Variants in STAB2 observed in about 807,000 individuals in gnomAD.
The protein encoded by STAB2 is stabilin 2.
In STAB2, 288 loss-of-function variants were observed where a neutral mutation model predicts 338.1. That is an observed-to-expected ratio of 0.85 (90% CI 0.77 to 0.94). The LOEUF (loss-of-function observed/expected upper bound fraction) is 0.94, where lower values mean the gene tolerates loss of function less well. Among genes scored for constraint, STAB2 ranks in the 40% least tolerant of loss-of-function variants. The pLI, the probability that STAB2 is intolerant of heterozygous loss-of-function variation, is 0.00. For synonymous variants in STAB2, 1,202 were observed against 1,193.3 expected (o/e 1.01, Z -0.15); for missense variants, 3,141 against 3,210.1 (o/e 0.98, Z 0.52).
intron 18 of STAB2, among the ~76,000 whole-genome samples, chr12:103,663,826 A>C (rs1019417966): frequency 6.6e-6 from 1 of 152,204 alleles, no homozygotes; most frequent in African/African-American, 2.4e-5. Context: ...CCACTATACC[A>C]GAGCTCTGGG....
chr12:103,593,785 A>C (rs944240460), intron 2 of STAB2, among the ~76,000 whole-genome samples: 13 of 152,252 alleles, frequency 8.5e-5, no homozygotes, highest in Non-Finnish European at 1.5e-5. Context: ...CCATGCCTGC[A>C]GAGATCCCTT....
rs757179916 is a variant in STAB2 at position 103,706,827 on chromosome 12, A to G, written c.4032A>G (p.Gln1344=). 99 of 1,614,104 alleles carry G rather than the reference A, an allele frequency of 6.1e-5. No homozygotes were observed. The highest frequency in any genetic ancestry group is 8.1e-5 in the Non-Finnish European group (96 of 1,180,040). ...RECCAGFFGP[Q]CQPCPGNAQN... ...GCTGTGCCGGCTTCTTTGGCCCCCA[A>G]TGCCAGCCCTGCCCAGGGAATGCCC... Residue 1344 remains glutamine, a synonymous_variant, in exon 38 of 69, where the codon CAA becomes CAG. Transcript: ENST00000388887.
chr12:103,639,132 T>C (rs1291610275), intron 8 of STAB2, among the ~76,000 whole-genome samples: 1 of 152,196 alleles, frequency 6.6e-6, no homozygotes, highest in East Asian at 1.9e-4. Context: ...GGAAAATTAA[T>C]GTTATGCCAT....
Position 103,695,571 on chromosome 12 carries a change from C to T in STAB2, c.3397C>T (p.Leu1133=), listed in dbSNP as rs200022852. The change falls in exon 32 of 69, where the codon CTA becomes TTA. Residue 1133 remains leucine (L), a synonymous_variant. Transcript: ENST00000388887. ...INKVLVPQRR[L]TGSLPNLLMR... is the part of the protein sequence containing the mutation. ...TCAGGTGCTGGTCCCACAAAGACGT[C>T]TAACTGGCTCCTTACCAAACCTGCT... The T allele has an allele frequency of 8.4e-5, 135 of 1,614,200 alleles. 1 individual carries two copies. In the East Asian group the frequency reaches 2.6e-3, roughly 31 times the overall value.
At chr12:103,744,154 T>C (rs1259269594) in intron 56 of STAB2, among the ~76,000 whole-genome samples, 1 of 152,034 alleles carries the variant, frequency 6.6e-6, no homozygotes, top group African/African-American at 2.4e-5. Context: ...ATGTTACTTT[T>C]TTTTTTTGAG....
At chr12:103,714,876 T>G (rs1439449148) in intron 42 of STAB2, among the ~76,000 whole-genome samples, 1 of 152,246 alleles carries the variant, frequency 6.6e-6, no homozygotes, top group Non-Finnish European at 1.5e-5. Context: ...TCAGTAAATT[T>G]ATTATTGATG....
At chr12:103,715,291 T>C (rs1880213267) in intron 42 of STAB2, among the ~76,000 whole-genome samples, 1 of 152,030 alleles carries the variant, frequency 6.6e-6, no homozygotes, top group Non-Finnish European at 1.5e-5. Flanking sequence ...GGTGCTGTGA[T>C]GTTTCCATTA....
intron 51 of STAB2, 81 bp from the exon 52 acceptor site, chr12:103,735,410 G>C (rs991524270): frequency 1.1e-6 from 1 of 897,526 alleles, no homozygotes; most frequent in Non-Finnish European, 1.7e-6. Context: ...ATCTGAATTT[G>C]GTTTTTTGGT....
chr12:103,744,461 C>CTTTTTTTTTT (rs3035275), intron 56 of STAB2, among the ~76,000 whole-genome samples: 1 of 122,470 alleles, frequency 8.2e-6, no homozygotes, highest in Non-Finnish European at 1.6e-5. Context: ...CACAATTTTA[C>CTTTTTTTTTT]TTTTTTTTTT....
chr12:103,615,619 A>G (rs1362681198), intron 3 of STAB2, among the ~76,000 whole-genome samples: 2 of 152,200 alleles, frequency 1.3e-5, no homozygotes, highest in African/African-American at 4.8e-5. Flanking sequence ...CGCATACTGT[A>G]TTAGTCCATT....
intron 39 of STAB2, among the ~76,000 whole-genome samples, chr12:103,709,882 T>C (rs1879695807): frequency 1.3e-5 from 2 of 152,122 alleles, no homozygotes; most frequent in South Asian, 4.1e-4. Flanking sequence ...CTCTCTCCTC[T>C]TCTTGCTTTC....
intron 49 of STAB2, among the ~76,000 whole-genome samples, chr12:103,730,862 A>T (rs1881580673): frequency 6.6e-6 from 1 of 152,168 alleles, no homozygotes; most frequent in Non-Finnish European, 1.5e-5. Context: ...CAGCCTGGGC[A>T]ACATAGTGAA....
chr12:103,622,958 A>G (rs963372649), intron 5 of STAB2, among the ~76,000 whole-genome samples: 15 of 152,194 alleles, frequency 9.9e-5, no homozygotes, highest in African/African-American at 2.9e-4. Context: ...ATAATTCCCT[A>G]AGGTGGTCAG....
At position 103,655,202 on chromosome 12, in the gene STAB2, A is replaced by T. The variant is rs939768932; in HGVS notation, c.1552-49A>T. 3 of 1,531,076 alleles carry T rather than the reference A, an allele frequency of 2.0e-6. No homozygotes were observed. The African/African-American group carries it at 4.2e-5, about 21-fold the overall frequency. The allele number at this position is 1,531,076 out of a possible 1,614,324, so 94.8% of individuals were successfully genotyped here. A position where few individuals can be genotyped will look rare whatever the true frequency, so the allele number is the denominator to read the frequency against. ...TAAATGTTAGAATTTGTATTTCCTA[A>T]ATCACAATATTTTATTTCCTGATTT... On this transcript the variant is annotated intron_variant, in intron 13 of 68. Coordinates refer to ENST00000388887, the MANE Select transcript of STAB2 (RefSeq NM_017564.10).
At chr12:103,739,607 G>A in intron 54 of STAB2, 139 bp downstream of exon 54, 1 of 708,764 alleles carries the variant, frequency 1.4e-6, no homozygotes, top group Non-Finnish European at 2.0e-6. Context: ...TGTAATTTAT[G>A]TCATTCTTTC....
intron 6 of STAB2, among the ~76,000 whole-genome samples, chr12:103,636,255 T>A (rs1180711261): frequency 1.4e-5 from 2 of 144,106 alleles, no homozygotes; most frequent in Non-Finnish European, 3.0e-5. Flanking sequence ...TGTCCATGCG[T>A]TCTCATTGTT....
Position 103,683,314 on chromosome 12 carries a change from C to A in STAB2, c.2901+14C>A. 1.9e-6 allele frequency: 3 copies of A among 1,544,286 alleles called. No homozygotes were observed. The highest frequency in any genetic ancestry group is 2.6e-6 in the Non-Finnish European group (3 of 1,139,934). Reference sequence around the variant, plus strand: ...TGTCATCCATTGGTGAGTTATTTAACCTTGTTTTTCATTACTTAAAAAAAA... The same window carrying A: ...TGTCATCCATTGGTGAGTTATTTAAACTTGTTTTTCATTACTTAAAAAAAA... On this transcript the variant is annotated intron_variant, in intron 26 of 68. Coordinates refer to ENST00000388887, the MANE Select transcript of STAB2 (RefSeq NM_017564.10).
At position 103,759,244 on chromosome 12, in the gene STAB2, A is replaced by G; in HGVS notation, c.7219A>G (p.Ile2407Val). 6.2e-7 allele frequency: 1 copy of G among 1,614,156 alleles called. No individual in the cohort carries two copies. The highest frequency in any genetic ancestry group is 8.5e-7 in the Non-Finnish European group (1 of 1,180,016). ...LQTRLGSKLL[I>V]TASQDPLQPT... ...AACGAGGCTGGGAAGCAAGCTGCTCATCACTGCCAGCCAGGACCCACTCCA... is the reference window on the plus strand; with the variant it reads ...AACGAGGCTGGGAAGCAAGCTGCTCGTCACTGCCAGCCAGGACCCACTCCA... The change falls in exon 65 of 69, where the codon ATC becomes GTC. Residue 2407 changes from isoleucine (I) to valine (V), a missense_variant. By Grantham distance (29) the Ile-to-Val change is conservative. Transcript: ENST00000388887.
intron 3 of STAB2, among the ~76,000 whole-genome samples, chr12:103,617,573 C>T (rs1957229712): frequency 1.3e-5 from 2 of 152,226 alleles, no homozygotes; most frequent in Admixed American, 1.3e-4. Context: ...GGGATTTGAA[C>T]CCAGAACATT....
Sources: allele counts gnomAD v4.1 joint callset (sites outside exome capture counted in the v4.1 genomes callset), GRCh38; gene constraint gnomAD v4.1.1; transcripts MANE v1.5; gene names NCBI Gene and HGNC (gene_info 2026-07-23, HGNC 2026-07-21).